Variants in NOP53 observed in about 807,000 individuals in gnomAD.
The protein encoded by NOP53 is ribosome biogenesis protein NOP53.
Under a neutral mutation model 61.0 loss-of-function variants are expected in NOP53, and 40 were observed. The ratio of observed to expected loss-of-function variants is 0.66; its 90% CI spans 0.51 to 0.85. The LOEUF is 0.85. Ranked by LOEUF, NOP53 falls within the 40% of genes least tolerant of loss-of-function variation. The pLI is 0.00. For synonymous variants in NOP53, 308 were observed against 289.5 expected, an observed-to-expected ratio of 1.06 and a Z score of -0.65; for missense variants, 689 against 652.9, an observed-to-expected ratio of 1.06 and a Z score of -0.60.
intron 5 of NOP53, 115 bp downstream of exon 5, chr19:47,751,705 A>G (rs1262721649): frequency 1.2e-6 from 1 of 813,636 alleles, no homozygotes. Context: ...GTGGCCGAGA[A>G]CTCTGTGCTG....
At chr19:47,746,795 G>A (rs763926649) in intron 1 of NOP53, 172 bp from the exon 2 acceptor site, 11 of 562,656 alleles carry the variant, frequency 2.0e-5, no homozygotes, top group South Asian at 4.3e-5. Context: ...GAGCCACTGC[G>A]CCTGGCAGTC....
chr19:47,748,531 G>T (rs148979836), intron 2 of NOP53, among the ~76,000 whole-genome samples: 1 of 152,124 alleles, frequency 6.6e-6, no homozygotes, highest in Non-Finnish European at 1.5e-5. Flanking sequence ...AGCGGACCTG[G>T]TTCAGTGACC....
At chr19:47,755,729 T>C (rs1240168479) in intron 9 of NOP53, 27 bp from the exon 10 acceptor site, 3 of 1,597,286 alleles carry the variant, frequency 1.9e-6, no homozygotes, top group Admixed American at 1.7e-5. Flanking sequence ...GGGGGTGATA[T>C]TTCTGAACAC....
Position 47,754,546 on chromosome 19 carries a change from A to G in NOP53, c.785A>G (p.His262Arg). The G allele has an allele frequency of 2.6e-6, 4 of 1,551,382 alleles. No individual in the cohort carries two copies. Among genetic ancestry groups the G allele is most frequent in the Non-Finnish European group, 3.5e-6 (4 of 1,148,162 alleles). Residue 262 changes from histidine (H) to arginine (R), a missense_variant, in exon 7 of 13, where the codon CAC becomes CGC. His to Arg is a conservative substitution (Grantham distance 29). Transcript: ENST00000246802. This position sits in a 1 kb window ranked among gnomAD's most constrained non-coding sequence, Gnocchi z 4.2. ...EDHQTLLSAA[H>R]EVELQRQKEA... The stretch of plus-strand genomic sequence containing the variant: ...CCTCAGACCCTGCTCTCAGCGGCCC[A>G]CGAGGTGGAGTTGCAGCGGCAGAAG...
At position 47,752,879 on chromosome 19, in the gene NOP53, AG is replaced by A. The variant is rs1274000503; in HGVS notation, c.765+275del. 17 of 445,842 alleles carry A rather than the reference AG, an allele frequency of 3.8e-5. No individual in the cohort carries two copies. In the East Asian group the frequency reaches 6.3e-4, roughly 17 times the overall value. 27.6% of individuals were successfully genotyped at this position (445,842 alleles called of 1,614,324 possible). A position where few individuals can be genotyped will look rare whatever the true frequency, so the allele number is the denominator to read the frequency against. ...GTCGCCTGAGCCGAGGCAGAGGCTG[AG>A]GGAGGGGTTTGCAGTGGGAGGAGGG... On this transcript the variant is annotated intron_variant, in intron 6 of 12. Transcript: ENST00000246802.
Position 47,754,665 on chromosome 19 carries a change from C to T in NOP53, c.870+34C>T. On this transcript the variant is annotated intron_variant, in intron 7 of 12. Transcript: ENST00000246802. The surrounding 1 kb of genome is among the most constrained non-coding windows in gnomAD (Gnocchi z 4.2). Reference sequence around the variant, plus strand: ...CGCACCTGCCCACTCCCTCCCCTCCCCGGGCCTCCTACCCACCCCTGACAC... The same window carrying T: ...CGCACCTGCCCACTCCCTCCCCTCCTCGGGCCTCCTACCCACCCCTGACAC... 1 of 1,543,170 alleles carries T rather than the reference C, an allele frequency of 6.5e-7. No homozygotes were observed. The highest frequency in any genetic ancestry group is 8.8e-7 in the Non-Finnish European group (1 of 1,142,180).
intron 8 of NOP53, 151 bp downstream of exon 8, chr19:47,755,042 C>T (rs749324680): frequency 6.8e-5 from 51 of 747,650 alleles, no homozygotes; most frequent in Non-Finnish European, 9.6e-5. Context: ...ATCCTCACAG[C>T]TGAGACTCAT....
At chr19:47,746,946 T>A (rs2334292) in intron 1 of NOP53, 21 bp from the exon 2 acceptor site, 170,786 of 1,602,830 alleles carry the variant, frequency 0.11, 10,129 homozygotes, top group Middle Eastern at 0.13. Flanking sequence ...CTGGCTGATG[T>A]TCTGCATTTC....
chr19:47,751,225 A>C lies in NOP53; in HGVS notation c.598+118A>C, dbSNP rs114735849. On this transcript the variant is annotated intron_variant, in intron 4 of 12. Coordinates refer to ENST00000246802, the MANE Select transcript of NOP53 (RefSeq NM_015710.5). Reference sequence around the variant, plus strand: ...GGAGTGCTTTGTGGGTGCTTTGGTGACCTCCCAGCAGAGTCGTGCGTCCTG... The same window carrying C: ...GGAGTGCTTTGTGGGTGCTTTGGTGCCCTCCCAGCAGAGTCGTGCGTCCTG... 3,528 of 975,238 alleles carry C rather than the reference A, an allele frequency of 3.6e-3. 90 individuals carry two copies. The African/African-American group carries it at 0.052, about 14-fold the overall frequency. The allele number at this position is 975,238 out of a possible 1,614,324, so 60.4% of individuals were successfully genotyped here. A position where few individuals can be genotyped will look rare whatever the true frequency, so the allele number is the denominator to read the frequency against.
In NOP53 at chr19:47,750,279, C is replaced by A. The variant is rs750926337; in HGVS notation, c.391C>A (p.Pro131Thr). 6.3e-7 allele frequency: 1 copy of A among 1,587,518 alleles called. No homozygotes were observed. The highest frequency in any genetic ancestry group is 8.7e-7 in the Non-Finnish European group (1 of 1,155,828). ...ILENTSKVPA[P>T]KDVLAHQVPN... ...CGAGAACACATCCAAAGTCCCTGCC[C>A]CCAAAGAGTGAGTGTCCCAGCATCC... The change falls in exon 3 of 13, where the codon CCC (proline) becomes ACC (threonine). Residue 131 changes from proline (P) to threonine (T), a missense_variant. Transcript: ENST00000246802.
intron 1 of NOP53, chr19:47,746,128 GTATATATATGTGTATATGTGTGTA>G (rs1236654759): frequency 1.1e-4 from 31 of 288,866 alleles, no homozygotes; most frequent in South Asian, 3.9e-4. Context: ...ATATGTGTGT[GTATATATATGTGTATATGTGTGTA>G]TATATATATG....
At chr19:47,752,447 CTG>C (rs1967135517) in intron 5 of NOP53, 63 bp from the exon 6 acceptor site, 1 of 995,296 alleles carries the variant, frequency 1.0e-6, no homozygotes, top group Admixed American at 1.7e-5. Context: ...TGCCCCATGG[CTG>C]TGTCCTGGGT....
Position 47,754,730 on chromosome 19 carries a change from T to C in NOP53, c.892T>C (p.Cys298Arg), listed in dbSNP as rs1457358911. 7 of 1,528,928 alleles carry C rather than the reference T, an allele frequency of 4.6e-6. No individual in the cohort carries two copies. Among genetic ancestry groups the C allele is most frequent in the South Asian group, 1.2e-5 (1 of 82,060 alleles). 94.7% of individuals were successfully genotyped at this position (1,528,928 alleles called of 1,614,324 possible). A position where few individuals can be genotyped will look rare whatever the true frequency, so the allele number is the denominator to read the frequency against. Residue 298 changes from cysteine to arginine, a missense_variant, in exon 8 of 13, where the codon TGC becomes CGC. Cys to Arg is a radical substitution (Grantham distance 180). Transcript: ENST00000246802. The surrounding 1 kb of genome is among the most constrained non-coding windows in gnomAD (Gnocchi z 4.2). ...ATQESTFQEL[C>R]EGLLEESDGE... ...CCAGGAGTCCACATTCCAGGAGCTG[T>C]GCGAGGGGCTGCTGGAGGAGTCGGA...
chr19:47,752,863 G>A (rs1967141837), intron 6 of NOP53: 2 of 479,952 alleles, frequency 4.2e-6, no homozygotes, highest in South Asian at 3.0e-5. Context: ...GGTCGCCTGA[G>A]CCGAGGCAGA....
At chr19:47,749,698 T>C (rs571384211) in intron 2 of NOP53, among the ~76,000 whole-genome samples, 2 of 152,160 alleles carry the variant, frequency 1.3e-5, no homozygotes, top group South Asian at 4.1e-4. Context: ...CCAAGTCCAC[T>C]TCTGTGGCCC....
At position 47,751,514 on chromosome 19, in the gene NOP53, C is replaced by T. The variant is rs1967124722; in HGVS notation, c.599-6C>T. The T allele has an allele frequency of 2.5e-6, 4 of 1,613,010 alleles. No individual in the cohort carries two copies. In the East Asian group the frequency reaches 8.9e-5, roughly 36 times the overall value. On this transcript the variant is annotated splice_polypyrimidine_tract_variant and splice_region_variant and intron_variant, in intron 4 of 12. Coordinates refer to ENST00000246802, the MANE Select transcript of NOP53 (RefSeq NM_015710.5). ...GTCCCAGCAGCTCCCCTCGCTGTAT[C>T]CACAGACCCCCTGGACAGGCCGTTG...
At chr19:47,750,523 G>A (rs935482154) in intron 3 of NOP53, among the ~76,000 whole-genome samples, 6 of 152,084 alleles carry the variant, frequency 3.9e-5, no homozygotes, top group Non-Finnish European at 8.8e-5. Context: ...GGGCTGAGTG[G>A]GAGGCGTGTT....
Position 47,754,239 on chromosome 19 carries a change from T to C in NOP53, c.766-288T>C. 1 of 403,566 alleles carries C rather than the reference T, an allele frequency of 2.5e-6. No individual in the cohort carries two copies. The highest frequency in any genetic ancestry group is 4.5e-6 in the Non-Finnish European group (1 of 220,662). 25.0% of individuals were successfully genotyped at this position (403,566 alleles called of 1,614,324 possible). A position where few individuals can be genotyped will look rare whatever the true frequency, so the allele number is the denominator to read the frequency against. ...TTGTGGTGAGCTGAGATCACACCAT[T>C]GCACTCCAGTCTGGGCAACAAGACA... On this transcript the variant is annotated intron_variant, in intron 6 of 12. Transcript: ENST00000246802. This position sits in a 1 kb window ranked among gnomAD's most constrained non-coding sequence, Gnocchi z 4.2.
In NOP53 at chr19:47,756,916, A is replaced by G. The variant is rs541687764; in HGVS notation, c.1431-83A>G. ...GGGGTTGGGAGGGTCCCCAAAGGGA[A>G]ACTGAAAGGCAGGGGGTGTCAGGTC... On this transcript the variant is annotated intron_variant, in intron 12 of 12. Transcript: ENST00000246802. The G allele has an allele frequency of 6.9e-6, 11 of 1,586,746 alleles. No homozygotes were observed. The East Asian group carries it at 2.5e-4, about 36-fold the overall frequency.
Sources: gnomAD v4.1 joint callset for allele counts (sites outside exome capture counted in the v4.1 genomes callset) on GRCh38, gnomAD v4.1.1 for gene constraint, Gnocchi (gnomAD v3.1) non-coding constraint, MANE v1.5 for transcripts, NCBI Gene and HGNC (gene_info 2026-07-23, HGNC 2026-07-21) for gene names.